Variants in MCOLN2 observed in about 807,000 individuals in gnomAD.
MCOLN2 encodes the protein mucolipin TRP cation channel 2.
MCOLN2 carries 57 observed loss-of-function variants against 67.5 expected under a neutral mutation model. That is an observed-to-expected ratio of 0.84 (90% confidence interval 0.68 to 1.05). The LOEUF is 1.05. Among genes scored for constraint, MCOLN2 ranks in the 50% least tolerant of loss-of-function variants. The pLI, the probability that MCOLN2 is intolerant of heterozygous loss-of-function variation, is 0.00. For synonymous variants in MCOLN2, 246 were observed against 233.3 expected, an observed-to-expected ratio of 1.05 and a Z score of -0.50; for missense variants, 620 against 678.8, an observed-to-expected ratio of 0.91 and a Z score of 0.96.
At chr1:84,974,785 G>A (rs1023506981) in intron 1 of MCOLN2, among the ~76,000 whole-genome samples, 3 of 151,914 alleles carry the variant, frequency 2.0e-5, no homozygotes, top group Non-Finnish European at 2.9e-5. Flanking sequence ...TGGACCTTCC[G>A]TGGGCCAGAA....
intron 1 of MCOLN2, 144 bp from the exon 2 acceptor site, chr1:84,965,852 C>T: frequency 1.5e-6 from 1 of 656,826 alleles, no homozygotes. Flanking sequence ...AATAAAAAAG[C>T]AACTCTAGTT....
intron 3 of MCOLN2, 62 bp downstream of exon 3, chr1:84,958,467 T>C (rs1648904046): frequency 2.2e-6 from 3 of 1,385,752 alleles, no homozygotes; most frequent in Admixed American, 2.7e-5. Context: ...GTTTGTTGGC[T>C]AAGACAAGGC....
At chr1:84,948,289 A>T (rs1210891026) in intron 6 of MCOLN2, among the ~76,000 whole-genome samples, 2 of 151,682 alleles carry the variant, frequency 1.3e-5, no homozygotes, top group African/African-American at 2.4e-5. Context: ...GCTGTTAAAA[A>T]CTCCCTCAGC....
chr1:84,954,249 A>G (rs1003541844), intron 4 of MCOLN2, among the ~76,000 whole-genome samples: 3 of 152,210 alleles, frequency 2.0e-5, no homozygotes, highest in African/African-American at 7.2e-5. Context: ...CAATAGACAC[A>G]ATATTTTTAA....
At chr1:84,981,053 G>T (rs1650228567) in intron 1 of MCOLN2, among the ~76,000 whole-genome samples, 2 of 152,100 alleles carry the variant, frequency 1.3e-5, no homozygotes, top group South Asian at 4.1e-4. Flanking sequence ...ATATGAAAAG[G>T]TGCTCAACAT....
chr1:84,966,827 C>T (rs1003314626), intron 1 of MCOLN2, among the ~76,000 whole-genome samples: 7 of 151,660 alleles, frequency 4.6e-5, no homozygotes, highest in Admixed American at 6.6e-5. Flanking sequence ...AGTGGAGTGC[C>T]GAAAACAATC....
chr1:84,950,106 A>C (rs1030888660), intron 6 of MCOLN2, among the ~76,000 whole-genome samples: 7 of 152,260 alleles, frequency 4.6e-5, no homozygotes, highest in African/African-American at 1.7e-4. Context: ...ATTGTAAAAA[A>C]CAAACACAAG....
rs140751725 is a variant in MCOLN2, at chr1:84,960,434, T to C, written c.238-1732A>G. Reference sequence around the variant, plus strand: ...GGATGCTTCTTATAATGAACTTAAGTGCTAGCTTTTCAAAATTAGGAAAGG... The same window carrying C: ...GGATGCTTCTTATAATGAACTTAAGCGCTAGCTTTTCAAAATTAGGAAAGG... On this transcript the variant is annotated intron_variant, in intron 2 of 13. Transcript: ENST00000370608. 5.9e-5 allele frequency among the ~76,000 whole-genome samples: 9 copies of C among 152,328 alleles called. No homozygotes were observed. In the East Asian group the frequency reaches 1.7e-3, roughly 29 times the overall value.
At chr1:84,944,261 G>A (rs532862074) in intron 7 of MCOLN2, among the ~76,000 whole-genome samples, 5 of 152,070 alleles carry the variant, frequency 3.3e-5, no homozygotes, top group East Asian at 3.9e-4. Context: ...TTGGCCAGGC[G>A]CGGTGGCTCA....
chr1:84,943,814 T>C (rs768971035), intron 7 of MCOLN2, among the ~76,000 whole-genome samples: 11 of 152,252 alleles, frequency 7.2e-5, no homozygotes, highest in Non-Finnish European at 1.2e-4. Flanking sequence ...ACAGTCTGTG[T>C]GAAGTGCTTG....
chr1:84,971,529 C>T (rs1649681869), intron 1 of MCOLN2, among the ~76,000 whole-genome samples: 1 of 151,120 alleles, frequency 6.6e-6, no homozygotes, highest in African/African-American at 2.4e-5. Flanking sequence ...CACACACACA[C>T]ACACACACAC....
chr1:84,939,324 T>G (rs1647614201), intron 9 of MCOLN2, among the ~76,000 whole-genome samples: 1 of 152,154 alleles, frequency 6.6e-6, no homozygotes, highest in Non-Finnish European at 1.5e-5. Context: ...ATAACCAATC[T>G]TTTCAAGCTT....
chr1:84,982,627 C>T (rs1277823234), intron 1 of MCOLN2, among the ~76,000 whole-genome samples: 1 of 152,180 alleles, frequency 6.6e-6, no homozygotes, highest in African/African-American at 2.4e-5. Flanking sequence ...TGTTTCAGAG[C>T]TCCAACCACC....
intron 1 of MCOLN2, among the ~76,000 whole-genome samples, chr1:84,990,071 C>T (rs1026086374): frequency 1.1e-4 from 16 of 151,510 alleles, no homozygotes; most frequent in South Asian, 8.3e-4. Flanking sequence ...CCAAGGCAGG[C>T]GGATCACGAG....
intron 3 of MCOLN2, among the ~76,000 whole-genome samples, chr1:84,958,298 A>T (rs965361354): frequency 6.6e-6 from 1 of 152,232 alleles, no homozygotes; most frequent in Non-Finnish European, 1.5e-5. Flanking sequence ...TTCCAAAAGC[A>T]GTAGGTATGA....
Position 84,938,000 on chromosome 1 carries a change from C to A in MCOLN2, c.1193G>T (p.Gly398Val). 6.2e-7 allele frequency: 1 copy of A among 1,613,526 alleles called. No homozygotes were observed. The highest frequency in any genetic ancestry group is 8.5e-7 in the Non-Finnish European group (1 of 1,179,498). ...CCTTACATTATATGCCTGGAAATAA[C>A]CCAGGTATCTGATGACTCCAACCCA... Reference protein sequence around the residue: ...LVWVGVIRYLGYFQAYNVLIL... With the variant: ...LVWVGVIRYLVYFQAYNVLIL... Residue 398 changes from glycine to valine, a missense_variant, in exon 10 of 14, where the codon GGT (glycine) becomes GTT (valine). Transcript: ENST00000370608.
intron 1 of MCOLN2, among the ~76,000 whole-genome samples, chr1:84,990,738 G>C (rs1258966397): frequency 6.6e-6 from 1 of 151,810 alleles, no homozygotes; most frequent in African/African-American, 2.4e-5. Context: ...AGCAACATAG[G>C]GAGACCCCCA....
chr1:84,953,708 G>T (rs531169), intron 4 of MCOLN2, among the ~76,000 whole-genome samples: 10,929 of 144,898 alleles, frequency 0.075, 1,365 homozygotes, highest in African/African-American at 0.25. Flanking sequence ...AGTAAAAACA[G>T]ATTATGAGCT....
chr1:84,987,424 CTATATACG>C (rs1650583303), intron 1 of MCOLN2, among the ~76,000 whole-genome samples: 1 of 111,506 alleles, frequency 9.0e-6, no homozygotes, highest in South Asian at 2.6e-4. Context: ...ATGTATATAC[CTATATACG>C]TATATAGATA....
Sources: allele counts gnomAD v4.1 joint callset (sites outside exome capture counted in the v4.1 genomes callset), GRCh38; gene constraint gnomAD v4.1.1; transcripts MANE v1.5; gene names NCBI Gene and HGNC (gene_info 2026-07-23, HGNC 2026-07-21).